KLF17: variants seen among roughly 807,000 people sequenced by gnomAD.
KLF17 encodes Krueppel-like factor 17.
A neutral mutation model predicts 34.2 loss-of-function variants in KLF17; 31 were observed. The ratio of observed to expected loss-of-function variants is 0.91; its 90% CI spans 0.68 to 1.22. The LOEUF (loss-of-function observed/expected upper bound fraction) is 1.22, where lower values mean the gene tolerates loss of function less well. Among genes scored for constraint, KLF17 ranks in the 50% most tolerant of loss-of-function variants. The pLI is 0.00. For synonymous variants in KLF17, 179 were observed against 186.7 expected, an observed-to-expected ratio of 0.96 and a Z score of 0.34; for missense variants, 478 against 505.2, an observed-to-expected ratio of 0.95 and a Z score of 0.52.
chr1:44,068,992 C>T, the KLF17 span, among the ~76,000 whole-genome samples: 783 of 152,250 alleles, frequency 5.1e-3, 11 homozygotes, highest in Middle Eastern at 0.014. Flanking sequence ...TTATTCCCCT[C>T]CCCCAGCCAC....
chr1:44,123,808 T>C (rs2087976578), intron 1 of KLF17, among the ~76,000 whole-genome samples: 1 of 152,198 alleles, frequency 6.6e-6, no homozygotes, highest in Non-Finnish European at 1.5e-5. Flanking sequence ...GTGATTTTTT[T>C]ATTTGACCCA....
At position 44,129,839 on chromosome 1, in the gene KLF17, A is replaced by G; in HGVS notation, c.568A>G (p.Thr190Ala). 4 of 1,614,090 alleles carry G rather than the reference A, an allele frequency of 2.5e-6. No homozygotes were observed. In the Middle Eastern group the frequency reaches 4.9e-4, roughly 200 times the overall value. Reference protein sequence around the residue: ...PGLSTVPSDETLLGPTVPSTE... With the variant: ...PGLSTVPSDEALLGPTVPSTE... ...CCTCTCGACAGTACCTTCTGACGAA[A>G]CATTGTTGGGCCCGACTGTGCCTTC... is the stretch of plus-strand genomic sequence containing the variant. Residue 190 changes from threonine (T) to alanine (A), a missense_variant, in exon 2 of 4, where the codon ACA becomes GCA. Thr to Ala is a moderately conservative substitution (Grantham distance 58). Transcript: ENST00000372299.
At chr1:44,086,833 A>G in the KLF17 span, among the ~76,000 whole-genome samples, 1 of 152,204 alleles carries the variant, frequency 6.6e-6, no homozygotes, top group African/African-American at 2.4e-5. Context: ...GGTCATCAGC[A>G]GAGAGTTAGG....
At chr1:44,096,506 C>T in the KLF17 span, among the ~76,000 whole-genome samples, 2 of 151,256 alleles carry the variant, frequency 1.3e-5, no homozygotes, top group Non-Finnish European at 2.9e-5. Context: ...TCACACCATT[C>T]TCCTGCCTCA....
At chr1:44,104,270 C>A in the KLF17 span, 1 of 1,551,088 alleles carries the variant, frequency 6.4e-7, no homozygotes, top group Admixed American at 1.7e-5. Context: ...CCAGCCCCTG[C>A]GTGTTGCCAA....
chr1:44,080,426 G>C, the KLF17 span, among the ~76,000 whole-genome samples: 2 of 151,446 alleles, frequency 1.3e-5, no homozygotes, highest in African/African-American at 4.9e-5. Context: ...TTTTAGTAGA[G>C]ACGGGGTTTC....
the KLF17 span, among the ~76,000 whole-genome samples, chr1:44,061,750 G>A: frequency 7.2e-5 from 11 of 152,084 alleles, no homozygotes; most frequent in Middle Eastern, 3.4e-3. Context: ...AAATCCCATC[G>A]CTACCAAAAA....
chr1:44,078,562 T>C, the KLF17 span, among the ~76,000 whole-genome samples: 1 of 151,480 alleles, frequency 6.6e-6, no homozygotes, highest in African/African-American at 2.4e-5. Flanking sequence ...CTCAGCCCCC[T>C]GAGTAGCTGG....
the KLF17 span, among the ~76,000 whole-genome samples, chr1:44,108,660 C>CTTT: frequency 0.014 from 1,066 of 75,322 alleles, 95 homozygotes; most frequent in African/African-American, 0.029. Context: ...TTTGTTAGCT[C>CTTT]TTTTTTTTTT....
chr1:44,129,517 G>A lies in KLF17; in HGVS notation c.246G>A (p.Val82=), dbSNP rs1360482961. The A allele has an allele frequency of 6.2e-7, 1 of 1,613,198 alleles. No homozygotes were observed. The highest frequency in any genetic ancestry group is 8.5e-7 in the Non-Finnish European group (1 of 1,179,478). Residue 82 remains valine, a synonymous_variant, in exon 2 of 4, where the codon GTG becomes GTA. Transcript: ENST00000372299. ...LVSVEAPGQN[V]NEGGPQFSMP... is the part of the protein sequence containing the mutation. ...CTGTTGAGGCGCCGGGGCAGAATGT[G>A]AATGAAGGGGGGCCACAGTTCAGTA...
the KLF17 span, among the ~76,000 whole-genome samples, chr1:44,099,846 A>AAAGAAAGG: frequency 1.0e-5 from 1 of 97,006 alleles, no homozygotes; most frequent in Non-Finnish European, 2.0e-5. Context: ...AGAAAGAAAG[A>AAAGAAAGG]AAGAAAGAAA....
rs2088153622 is a variant in KLF17 at position 44,135,131 on chromosome 1, A to G, written c.*1894A>G. ...CCTTGTCTCTGTAAAAAATAAAATTAAAAGAAAAAGAAGGGAAAGTGATCT... is the reference window on the plus strand; with the variant it reads ...CCTTGTCTCTGTAAAAAATAAAATTGAAAGAAAAAGAAGGGAAAGTGATCT... On this transcript the variant is annotated 3_prime_UTR_variant, in exon 4 of 4. Transcript: ENST00000372299. The G allele has an allele frequency of 6.6e-6, 1 of 152,188 alleles. No homozygotes were observed. The highest frequency in any genetic ancestry group is 1.5e-5 in the Non-Finnish European group (1 of 68,034). The allele number at this position is 152,188 out of a possible 1,614,324, so 9.4% of individuals were successfully genotyped here. A position where few individuals can be genotyped will look rare whatever the true frequency, so the allele number is the denominator to read the frequency against.
At chr1:44,119,830 GA>G (rs1252676955) in intron 1 of KLF17, among the ~76,000 whole-genome samples, 1 of 152,224 alleles carries the variant, frequency 6.6e-6, no homozygotes, top group Non-Finnish European at 1.5e-5. Context: ...AGCCATTGAT[GA>G]GTTTAAACAT....
the KLF17 span, among the ~76,000 whole-genome samples, chr1:44,081,851 A>G: frequency 2.6e-5 from 4 of 152,228 alleles, no homozygotes; most frequent in African/African-American, 7.2e-5. Context: ...GTTGAAATGT[A>G]TCCACTATCA....
At chr1:44,110,847 C>T in the KLF17 span, among the ~76,000 whole-genome samples, 1 of 151,994 alleles carries the variant, frequency 6.6e-6, no homozygotes, top group Non-Finnish European at 1.5e-5. Context: ...CTTCAGCTGG[C>T]ATGGTGGCTC....
chr1:44,085,876 G>GGAGGTCT, the KLF17 span, among the ~76,000 whole-genome samples: 2 of 150,786 alleles, frequency 1.3e-5, no homozygotes, highest in Non-Finnish European at 2.9e-5. Flanking sequence ...TGTTATTACT[G>GGAGGTCT]GAGGTCTGGG....
At chr1:44,095,743 T>G in the KLF17 span, among the ~76,000 whole-genome samples, 1 of 152,190 alleles carries the variant, frequency 6.6e-6, no homozygotes, top group African/African-American at 2.4e-5. Context: ...CCTCCTTTGG[T>G]TAAGTTCATT....
chr1:44,078,636 C>A, the KLF17 span, among the ~76,000 whole-genome samples: 1 of 152,096 alleles, frequency 6.6e-6, no homozygotes, highest in Non-Finnish European at 1.5e-5. Context: ...CAGGGTTTCA[C>A]CGTGTTAGCC....
At chr1:44,055,563 T>C in the KLF17 span, among the ~76,000 whole-genome samples, 3 of 152,178 alleles carry the variant, frequency 2.0e-5, no homozygotes, top group Admixed American at 6.5e-5. Context: ...GAATGGACAC[T>C]TCTAGCTCTA....
Sources: allele counts gnomAD v4.1 joint callset (sites outside exome capture counted in the v4.1 genomes callset), GRCh38; gene constraint gnomAD v4.1.1; transcripts MANE v1.5; gene names NCBI Gene and HGNC (gene_info 2026-07-23, HGNC 2026-07-21).